CLCN3: variants seen among roughly 807,000 people sequenced by gnomAD.
The protein encoded by CLCN3 is Cl-/H+ antiporter 3.
Under a neutral mutation model 83.4 loss-of-function variants are expected in CLCN3, and 16 were observed. That is an observed-to-expected ratio of 0.19 (90% confidence interval 0.13 to 0.29). The LOEUF (loss-of-function observed/expected upper bound fraction) is 0.29. Ranked by LOEUF, CLCN3 falls within the 10% of genes least tolerant of loss-of-function variation. The pLI, the probability that CLCN3 is intolerant of heterozygous loss-of-function variation, is 1.00. For synonymous variants in CLCN3, 322 were observed against 346.2 expected (o/e 0.93, Z 0.78); for missense variants, 544 against 1,006.0 (o/e 0.54, Z 6.21).
At chr4:169,717,457 A>C (rs1057032280) in intron 12 of CLCN3, among the ~76,000 whole-genome samples, 2 of 152,174 alleles carry the variant, frequency 1.3e-5, no homozygotes, top group Non-Finnish European at 2.9e-5. Flanking sequence ...AACTCTACAT[A>C]TCAGAGGTCT....
rs549353016 is a variant in CLCN3, at chr4:169,673,533, A to G, written c.161-6517A>G. Among the ~76,000 whole-genome samples the G allele has an allele frequency of 9.5e-4, 145 of 152,028 alleles. 1 individual carries two copies. Among genetic ancestry groups the G allele is most frequent in the African/African-American group, 3.4e-3 (141 of 41,496 alleles). On this transcript the variant is annotated intron_variant, in intron 2 of 12. Transcript: ENST00000513761. ...CTTTAAGTGGGGCTAGCGATGTATT[A>G]TGGATACATGTTAAGTGGTATAGAA...
At chr4:169,638,019 T>C (rs1347609817) in intron 2 of CLCN3, among the ~76,000 whole-genome samples, 1 of 152,196 alleles carries the variant, frequency 6.6e-6, no homozygotes, top group Non-Finnish European at 1.5e-5. Flanking sequence ...TGTTTTTGTC[T>C]TTTATTGATT....
At chr4:169,673,117 T>C (rs2150231406) in intron 2 of CLCN3, among the ~76,000 whole-genome samples, 1 of 152,344 alleles carries the variant, frequency 6.6e-6, no homozygotes, top group Admixed American at 6.5e-5. Context: ...TTCTCCCCAG[T>C]TTAGGATAGA....
chr4:169,663,390 A>C (rs1193891347), intron 2 of CLCN3: 2 of 174,900 alleles, frequency 1.1e-5, no homozygotes, highest in African/African-American at 4.8e-5. Flanking sequence ...GCTGGAGTGC[A>C]GTGGAGTGAT....
rs1733659862 is a variant in CLCN3 at position 169,722,160 on chromosome 4, T to C, written c.*2163T>C. Reference sequence around the variant, plus strand: ...AAACACAACTGGCAATGAGCTGTTTTTACATTTTGAAAGTGATTCTTCACT... The same window carrying C: ...AAACACAACTGGCAATGAGCTGTTTCTACATTTTGAAAGTGATTCTTCACT... On this transcript the variant is annotated 3_prime_UTR_variant, in exon 13 of 13. Transcript: ENST00000513761. 1 of 152,220 alleles carries C rather than the reference T, an allele frequency of 6.6e-6. No individual in the cohort carries two copies. Among genetic ancestry groups the C allele is most frequent in the African/African-American group, 2.4e-5 (1 of 41,452 alleles). 9.4% of individuals were successfully genotyped at this position (152,220 alleles called of 1,614,324 possible). A position where few individuals can be genotyped will look rare whatever the true frequency, so the allele number is the denominator to read the frequency against.
Position 169,636,061 on chromosome 4 carries a change from A to C in CLCN3, c.133A>C (p.Asn45His). ...GGACTTTCAAACATCTGAAGATGACAATTTATTAGATGGTGACACTGCAGT... is the reference window on the plus strand; with the variant it reads ...GGACTTTCAAACATCTGAAGATGACCATTTATTAGATGGTGACACTGCAGT... ...IMDFQTSEDD[N>H]LLDGDTAVGT... The change falls in exon 2 of 13, where the codon AAT becomes CAT. Residue 45 changes from asparagine to histidine, a missense_variant. Asn to His is a moderately conservative substitution (Grantham distance 68). Coordinates refer to ENST00000513761, the MANE Select transcript of CLCN3 (RefSeq NM_001829.4). The C allele has an allele frequency of 6.2e-7, 1 of 1,612,822 alleles. No homozygotes were observed. Among genetic ancestry groups the C allele is most frequent in the East Asian group, 2.2e-5 (1 of 44,800 alleles).
intron 2 of CLCN3, among the ~76,000 whole-genome samples, chr4:169,653,643 A>AAC (rs1409971413): frequency 1.3e-5 from 2 of 149,622 alleles, no homozygotes; most frequent in African/African-American, 4.9e-5. Flanking sequence ...TCCGTCTCAA[A>AAC]AAAAAAAAAA....
intron 9 of CLCN3, among the ~76,000 whole-genome samples, chr4:169,703,366 T>C (rs1732870023): frequency 6.6e-6 from 1 of 152,196 alleles, no homozygotes; most frequent in African/African-American, 2.4e-5. Context: ...TCTGATAAGT[T>C]TGTCCACTTA....
chr4:169,703,532 T>C (rs928141008), intron 9 of CLCN3, among the ~76,000 whole-genome samples: 1 of 152,242 alleles, frequency 6.6e-6, no homozygotes, highest in African/African-American at 2.4e-5. Context: ...TTTAAAAATA[T>C]ATATTTTTTA....
chr4:169,690,156 T>TTTTTTTTTTC (rs1732310319), intron 5 of CLCN3, among the ~76,000 whole-genome samples: 1 of 149,056 alleles, frequency 6.7e-6, no homozygotes, highest in African/African-American at 2.5e-5. Flanking sequence ...TTTTTTTTTT[T>TTTTTTTTTTC]GGCCGGTGGG....
intron 1 of CLCN3, among the ~76,000 whole-genome samples, chr4:169,631,169 T>G (rs1267604860): frequency 6.6e-6 from 1 of 152,196 alleles, no homozygotes; most frequent in African/African-American, 2.4e-5. Flanking sequence ...GGTGTTTCAT[T>G]GTGGTTTTGA....
chr4:169,650,825 A>G (rs910447114), intron 2 of CLCN3, among the ~76,000 whole-genome samples: 8 of 152,212 alleles, frequency 5.3e-5, no homozygotes, highest in Non-Finnish European at 1.0e-4. Context: ...TGCTTCAGCC[A>G]GAGCAACTTA....
chr4:169,720,274 TC>T lies in CLCN3; in HGVS notation c.*278del. ...TCCTATTGTTCTGCACTGGATGCAT[TC>T]AGCTGAGGATGTGCCTGATAGTGCA... On this transcript the variant is annotated 3_prime_UTR_variant, in exon 13 of 13. Transcript: ENST00000513761. The T allele has an allele frequency of 2.0e-6, 1 of 500,936 alleles. No individual in the cohort carries two copies. Among genetic ancestry groups the T allele is most frequent in the East Asian group, 3.4e-5 (1 of 29,620 alleles). 31.0% of individuals were successfully genotyped at this position (500,936 alleles called of 1,614,324 possible). A position where few individuals can be genotyped will look rare whatever the true frequency, so the allele number is the denominator to read the frequency against.
intron 2 of CLCN3, among the ~76,000 whole-genome samples, chr4:169,649,244 T>G (rs1730665474): frequency 6.6e-6 from 1 of 152,088 alleles, no homozygotes. Context: ...CAGAGAATGA[T>G]AACTAGAAAG....
At chr4:169,718,785 A>T (rs1361860687) in intron 12 of CLCN3, among the ~76,000 whole-genome samples, 2 of 152,198 alleles carry the variant, frequency 1.3e-5, no homozygotes, top group Non-Finnish European at 2.9e-5. Context: ...CAAGTGTTTC[A>T]TGCATCCTTT....
At chr4:169,682,138 A>G (rs1315720776) in intron 3 of CLCN3, among the ~76,000 whole-genome samples, 1 of 152,166 alleles carries the variant, frequency 6.6e-6, no homozygotes, top group Non-Finnish European at 1.5e-5. Context: ...TGAATATATG[A>G]TTTTGTAACA....
intron 10 of CLCN3, among the ~76,000 whole-genome samples, chr4:169,704,434 T>C (rs1289440078): frequency 2.6e-5 from 4 of 152,226 alleles, no homozygotes; most frequent in Non-Finnish European, 5.9e-5. Flanking sequence ...CTTAATACAC[T>C]ATGGCAGAAG....
intron 2 of CLCN3, among the ~76,000 whole-genome samples, chr4:169,661,309 TA>T (rs1259858293): frequency 6.6e-6 from 1 of 152,186 alleles, no homozygotes; most frequent in Non-Finnish European, 1.5e-5. Context: ...TGAGCCACAT[TA>T]GTTTGAATTA....
intron 2 of CLCN3, among the ~76,000 whole-genome samples, chr4:169,674,736 T>G (rs1204927780): frequency 2.6e-5 from 4 of 152,136 alleles, no homozygotes; most frequent in Non-Finnish European, 5.9e-5. Context: ...CTTTTAGAAG[T>G]TTTACACCTT....
Sources: gnomAD v4.1 joint callset for allele counts (sites outside exome capture counted in the v4.1 genomes callset) on GRCh38, gnomAD v4.1.1 for gene constraint, MANE v1.5 for transcripts, NCBI Gene and HGNC (gene_info 2026-07-23, HGNC 2026-07-21) for gene names.